The following ARMC12 variants were observed in gnomAD, a reference collection of about 807,000 sequenced individuals.
ARMC12 encodes the protein armadillo repeat-containing protein 12.
Under a neutral mutation model 37.4 loss-of-function variants are expected in ARMC12, and 25 were observed. The ratio of observed to expected loss-of-function variants is 0.67; its 90% CI spans 0.49 to 0.93. The LOEUF (loss-of-function observed/expected upper bound fraction) is 0.93, where lower values mean the gene tolerates loss of function less well. Ranked by LOEUF, ARMC12 falls within the 40% of genes least tolerant of loss-of-function variation. The pLI, the probability that ARMC12 is intolerant of heterozygous loss-of-function variation, is 0.00. For synonymous variants in ARMC12, 167 were observed against 176.1 expected (o/e 0.95, Z 0.41); for missense variants, 384 against 426.6 (o/e 0.90, Z 0.88).
chr6:35,738,224 GC>G (rs767943147), intron 2 of ARMC12, 52 bp downstream of exon 2: 26 of 1,468,592 alleles, frequency 1.8e-5, no homozygotes, highest in African/African-American at 2.8e-5. Flanking sequence ...GGGGGTTACG[GC>G]CGATCCCTGC....
Position 35,737,070 on chromosome 6 carries a change from G to A in ARMC12, c.-39G>A, listed in dbSNP as rs1194602233. On this transcript the variant is annotated 5_prime_UTR_variant, in exon 1 of 6. Coordinates refer to ENST00000373866, the MANE Select transcript of ARMC12 (RefSeq NM_001286574.2). ...CGGAAGGCCCCCCACAGGTGCCTTG[G>A]GCCTAGCTCTCACCTGGGCCCAGGG... is the stretch of plus-strand genomic sequence containing the variant. 3 of 1,610,032 alleles carry A rather than the reference G, an allele frequency of 1.9e-6. No homozygotes were observed. The African/African-American group carries it at 4.0e-5, about 22-fold the overall frequency.
chr6:35,738,557 T>C (rs748513579), intron 3 of ARMC12, 39 bp downstream of exon 3: 2 of 1,611,024 alleles, frequency 1.2e-6, no homozygotes, highest in South Asian at 1.1e-5. Flanking sequence ...GCAGGATGTC[T>C]ATAGTCCTTA....
At chr6:35,743,698 A>G (rs906422861) in intron 3 of ARMC12, among the ~76,000 whole-genome samples, 1 of 152,046 alleles carries the variant, frequency 6.6e-6, no homozygotes, top group Non-Finnish European at 1.5e-5. Context: ...ACAAATAAGT[A>G]AAATATATAG....
chr6:35,734,671 G>A (rs947000405), upstream of ARMC12, among the ~76,000 whole-genome samples: 10 of 151,948 alleles, frequency 6.6e-5, no homozygotes, highest in African/African-American at 1.9e-4. Context: ...GTGTGGTGGC[G>A]CATGCCTGTA....
upstream of ARMC12, among the ~76,000 whole-genome samples, chr6:35,734,217 T>C (rs1766900272): frequency 1.3e-5 from 2 of 152,136 alleles, no homozygotes; most frequent in South Asian, 4.1e-4. Flanking sequence ...TGGAGTGCAG[T>C]GGCATGATCT....
rs1483443622 is a variant in ARMC12 at position 35,748,663 on chromosome 6, G to T, written c.816G>T (p.Trp272Cys). 1 of 1,614,110 alleles carries T rather than the reference G, an allele frequency of 6.2e-7. No homozygotes were observed. The highest frequency in any genetic ancestry group is 1.7e-5 in the Admixed American group (1 of 60,012). ...RNAPHYHVVK[W>C]HYNEQSLHES... ...CACCCCACTACCACGTGGTGAAATGGCATTACAACGAACAGTCCCTGCATG... is the reference window on the plus strand; with the variant it reads ...CACCCCACTACCACGTGGTGAAATGTCATTACAACGAACAGTCCCTGCATG... Residue 272 changes from tryptophan (W) to cysteine (C), a missense_variant, in exon 6 of 6, where the codon TGG becomes TGT. Coordinates refer to ENST00000373866, the MANE Select transcript of ARMC12 (RefSeq NM_001286574.2).
chr6:35,735,276 G>A (rs1374102038), upstream of ARMC12: 1 of 152,468 alleles, frequency 6.6e-6, no homozygotes, highest in African/African-American at 2.4e-5. This position sits in a 1 kb window ranked among gnomAD's most constrained non-coding sequence, Gnocchi z 4.0. Context: ...CAGTGGAGAT[G>A]CGATGGGGTT....
At position 35,738,283 on chromosome 6, in the gene ARMC12, C is replaced by CGGGGGGGGGGGGGGG. The variant is rs201221548; in HGVS notation, c.310-99_310-98insGGGGGGGGGGGGGGG. Reference sequence around the variant, plus strand: ...CCTGGGACCTCTCTCTGGCTGATAGCGGTGGGGGGGGGGTGTGCGGAGGGA... The same window carrying CGGGGGGGGGGGGGGG: ...CCTGGGACCTCTCTCTGGCTGATAGCGGGGGGGGGGGGGGGGGTGGGGGGGGGGTGTGCGGAGGGA... On this transcript the variant is annotated intron_variant, in intron 2 of 5. Coordinates refer to ENST00000373866, the MANE Select transcript of ARMC12 (RefSeq NM_001286574.2). 1.2e-5 allele frequency: 7 copies of CGGGGGGGGGGGGGGG among 576,756 alleles called. No homozygotes were observed. In the African/African-American group the frequency reaches 1.3e-4, roughly 11 times the overall value. The allele number at this position is 576,756 out of a possible 1,614,324, so 35.7% of individuals were successfully genotyped here. A position where few individuals can be genotyped will look rare whatever the true frequency, so the allele number is the denominator to read the frequency against.
intron 1 of ARMC12, 109 bp from the exon 2 acceptor site, chr6:35,737,918 C>T (rs569013906): frequency 3.5e-5 from 54 of 1,526,930 alleles, no homozygotes; most frequent in Middle Eastern, 2.3e-4. Flanking sequence ...AAGGCTTCTC[C>T]GAAAAGGCAA....
chr6:35,747,780 C>A, intron 5 of ARMC12, 133 bp downstream of exon 5: 2 of 913,434 alleles, frequency 2.2e-6, no homozygotes, highest in Non-Finnish European at 3.3e-6. Context: ...ACTAAATGCA[C>A]TGAAAATCAT....
Position 35,738,028 on chromosome 6 carries a change from C to T in ARMC12, c.165C>T (p.Arg55=), listed in dbSNP as rs761859634. 6.2e-7 allele frequency: 1 copy of T among 1,612,962 alleles called. No homozygotes were observed. The highest frequency in any genetic ancestry group is 8.5e-7 in the Non-Finnish European group (1 of 1,180,024). ...AACTGGGCTGGGGTGGCTGTCTAGG[C>T]CTGGCAGTCGAGCGAGAGCGGCACG... ...LCSNSPICIA[R]LAVERERHGR... Residue 55 remains arginine (R), a splice_region_variant and synonymous_variant, in exon 2 of 6, where the codon CGC becomes CGT. Coordinates refer to ENST00000373866, the MANE Select transcript of ARMC12 (RefSeq NM_001286574.2).
intron 3 of ARMC12, among the ~76,000 whole-genome samples, chr6:35,744,868 C>T (rs1358018620): frequency 2.0e-5 from 3 of 152,176 alleles, no homozygotes; most frequent in Non-Finnish European, 4.4e-5. Context: ...GCACATGAAA[C>T]CATGTTTAAT....
chr6:35,733,695 C>T (rs951971945), upstream of ARMC12, among the ~76,000 whole-genome samples: 16 of 152,264 alleles, frequency 1.1e-4, no homozygotes, highest in Admixed American at 2.6e-4. Flanking sequence ...TTAGTAGAGA[C>T]GGGGTTTCCC....
In ARMC12 at chr6:35,738,433, A is replaced by G; in HGVS notation, c.359A>G (p.Asp120Gly). The G allele has an allele frequency of 6.2e-7, 1 of 1,613,952 alleles. No homozygotes were observed. Among genetic ancestry groups the G allele is most frequent in the Non-Finnish European group, 8.5e-7 (1 of 1,179,996 alleles). The stretch of plus-strand genomic sequence containing the variant: ...ATCGTGTTGCTGGGCTACATGCTGG[A>G]TGACAAGGACAACAGTGTCAAAACC... Reference protein sequence around the residue: ...DDIVLLGYMLDDKDNSVKTQA... With the variant: ...DDIVLLGYMLGDKDNSVKTQA... The change falls in exon 3 of 6, where the codon GAT becomes GGT. Residue 120 changes from aspartate (D) to glycine (G), a missense_variant. Coordinates refer to ENST00000373866, the MANE Select transcript of ARMC12 (RefSeq NM_001286574.2).
At chr6:35,748,516 T>C (rs762450477) in intron 5 of ARMC12, 22 bp from the exon 6 acceptor site, 3 of 1,448,958 alleles carry the variant, frequency 2.1e-6, no homozygotes, top group Admixed American at 2.6e-5. Context: ...TTATTCCCAT[T>C]CTTTCTCTAT....
At chr6:35,732,080 C>A (rs540548415), upstream of ARMC12, among the ~76,000 whole-genome samples, 70 of 152,228 alleles carry the variant, frequency 4.6e-4, no homozygotes, top group African/African-American at 1.6e-3. Context: ...GGAGGGAGAG[C>A]AAGACCGGGG....
At chr6:35,742,931 C>CTGCA (rs1302847902) in intron 3 of ARMC12, among the ~76,000 whole-genome samples, 1 of 152,228 alleles carries the variant, frequency 6.6e-6, no homozygotes, top group Non-Finnish European at 1.5e-5. Context: ...TGGCCATGGG[C>CTGCA]TGCACCTCCT....
At chr6:35,733,010 G>GAAAATACA (rs1439660744), upstream of ARMC12, among the ~76,000 whole-genome samples, 1 of 152,096 alleles carries the variant, frequency 6.6e-6, no homozygotes, top group East Asian at 1.9e-4. Context: ...CCAGCCTACT[G>GAAAATACA]AAAATACAAA....
chr6:35,738,041 C>G lies in ARMC12; in HGVS notation c.178C>G (p.Arg60Gly). The G allele has an allele frequency of 6.2e-7, 1 of 1,613,500 alleles. No individual in the cohort carries two copies. Among genetic ancestry groups the G allele is most frequent in the Non-Finnish European group, 8.5e-7 (1 of 1,180,024 alleles). ...PICIARLAVE[R>G]ERHGRDSGEL... is the part of the protein sequence containing the mutation. ...TGGCTGTCTAGGCCTGGCAGTCGAG[C>G]GAGAGCGGCACGGGCGGGACTCAGG... The change falls in exon 2 of 6, where the codon CGA becomes GGA. Residue 60 changes from arginine (R) to glycine (G), a missense_variant. Arg to Gly is a moderately radical substitution (Grantham distance 125, BLOSUM62 -2). Transcript: ENST00000373866.
Sources: gnomAD v4.1 joint callset for allele counts (sites outside exome capture counted in the v4.1 genomes callset) on GRCh38, gnomAD v4.1.1 for gene constraint, Gnocchi (gnomAD v3.1) non-coding constraint, MANE v1.5 for transcripts, NCBI Gene and HGNC (gene_info 2026-07-23, HGNC 2026-07-21) for gene names.